GRIP2: variants seen among roughly 807,000 people sequenced by gnomAD.
GRIP2 encodes glutamate receptor interacting protein 2, also known as glutamate receptor-interacting protein 2.
In GRIP2, 58 loss-of-function variants were observed where a neutral mutation model predicts 108.3. That is an observed-to-expected ratio of 0.54 (90% CI 0.43 to 0.67). The LOEUF (loss-of-function observed/expected upper bound fraction) is 0.67, where lower values mean the gene tolerates loss of function less well. Among genes scored for constraint, GRIP2 ranks in the 30% least tolerant of loss-of-function variants. The pLI, the probability that GRIP2 is intolerant of heterozygous loss-of-function variation, is 0.00. For missense variants in GRIP2, 1,278 were observed against 1,430.6 expected, an observed-to-expected ratio of 0.89 and a Z score of 1.72; for synonymous variants, 586 against 598.2, an observed-to-expected ratio of 0.98 and a Z score of 0.30.
chr3:14,528,794 T>C (rs1694629968), intron 1 of GRIP2, among the ~76,000 whole-genome samples: 1 of 152,246 alleles, frequency 6.6e-6, no homozygotes, highest in Non-Finnish European at 1.5e-5. Flanking sequence ...GGCACTTTTT[T>C]TAACTTGCCA....
At chr3:14,542,284 T>A (rs1439708728), upstream of GRIP2, among the ~76,000 whole-genome samples, 7 of 151,982 alleles carry the variant, frequency 4.6e-5, no homozygotes, top group Non-Finnish European at 1.0e-4. Context: ...CTCCCTGGTA[T>A]CTGGGACTAC....
intron 3 of GRIP2, among the ~76,000 whole-genome samples, chr3:14,524,880 C>T (rs1361066810): frequency 6.6e-6 from 1 of 152,206 alleles, no homozygotes; most frequent in Non-Finnish European, 1.5e-5. Flanking sequence ...TCCTGCTGTT[C>T]AACTGGACAT....
At position 14,494,874 on chromosome 3, in the gene GRIP2, C is replaced by T; in HGVS notation, c.2939G>A (p.Gly980Glu). ...GACCCTGTCGAAGGGCTGGAGGCCT[C>T]CACGGTGGGCTGGCCCATCAGGGCG... Reference protein sequence around the residue: ...TVRPDGPAHRGGLQPFDRVLQ... With the variant: ...TVRPDGPAHREGLQPFDRVLQ... Residue 980 changes from glycine to glutamate, a missense_variant, in exon 23 of 24, where the codon GGA (glycine) becomes GAA (glutamate). Transcript: ENST00000621039. 1 of 1,613,806 alleles carries T rather than the reference C, an allele frequency of 6.2e-7. No homozygotes were observed. The highest frequency in any genetic ancestry group is 8.5e-7 in the Non-Finnish European group (1 of 1,179,782).
intron 1 of GRIP2, among the ~76,000 whole-genome samples, chr3:14,539,266 G>A (rs1273069488): frequency 1.3e-5 from 2 of 152,194 alleles, no homozygotes; most frequent in African/African-American, 4.8e-5. Context: ...CTGGCCCAGA[G>A]GAAGCTCTCG....
chr3:14,513,453 G>T (rs1694155955), intron 13 of GRIP2, among the ~76,000 whole-genome samples: 1 of 152,184 alleles, frequency 6.6e-6, no homozygotes, highest in Non-Finnish European at 1.5e-5. Context: ...ATCCCCACTT[G>T]GTCCTGCCCC....
intron 12 of GRIP2, 124 bp from the exon 13 acceptor site, chr3:14,513,934 T>G: frequency 1.2e-5 from 14 of 1,171,320 alleles, no homozygotes; most frequent in Non-Finnish European, 1.5e-5. Context: ...CTCTCAGCTC[T>G]GCCCTGGCCC....
intron 20 of GRIP2, among the ~76,000 whole-genome samples, chr3:14,504,941 G>A (rs975957377): frequency 6.6e-6 from 1 of 152,218 alleles, no homozygotes; most frequent in Non-Finnish European, 1.5e-5. Context: ...TAGACACAAG[G>A]TGTTTAGGCT....
the GRIP2 span, among the ~76,000 whole-genome samples, chr3:14,601,064 TCTCACA>T: frequency 1.2e-4 from 17 of 145,428 alleles, no homozygotes; most frequent in African/African-American, 4.4e-4. Flanking sequence ...CATCTCTCTC[TCTCACA>T]CACACACACA....
chr3:14,550,010 C>T (rs1695118855), intron 1 of GRIP2, among the ~76,000 whole-genome samples: 1 of 152,124 alleles, frequency 6.6e-6, no homozygotes, highest in African/African-American at 2.4e-5. Flanking sequence ...GGCCACCCAG[C>T]TGAGAATATG....
chr3:14,568,452 G>C, the GRIP2 span, among the ~76,000 whole-genome samples: 4 of 152,192 alleles, frequency 2.6e-5, no homozygotes, highest in Non-Finnish European at 5.9e-5. Context: ...GCTCAGAGAG[G>C]TTAAGTCACC....
intron 3 of GRIP2, 147 bp from the exon 4 acceptor site, chr3:14,524,685 T>C: frequency 6.8e-6 from 6 of 888,746 alleles, no homozygotes; most frequent in African/African-American, 1.7e-5. Flanking sequence ...GGTCAGACAG[T>C]TGTCCAGGGT....
upstream of GRIP2, among the ~76,000 whole-genome samples, chr3:14,559,972 G>A (rs1194657664): frequency 2.6e-5 from 4 of 152,200 alleles, no homozygotes; most frequent in African/African-American, 9.7e-5. Context: ...GGCATCTGAG[G>A]ATGGGCTTGG....
intron 1 of GRIP2, chr3:14,530,887 TA>T (rs1292935893): frequency 6.6e-6 from 1 of 152,376 alleles, no homozygotes; most frequent in East Asian, 1.9e-4. Context: ...TCTTTTTAGT[TA>T]TTTTTAAATG....
In GRIP2 at chr3:14,493,751, C is replaced by T. The variant is rs1693480160; in HGVS notation, c.3046G>A (p.Glu1016Lys). The T allele has an allele frequency of 2.5e-6, 4 of 1,611,650 alleles. No homozygotes were observed. The East Asian group carries it at 8.9e-5, about 36-fold the overall frequency. The change falls in exon 24 of 24, where the codon GAG (glutamate) becomes AAG (lysine). Residue 1016 changes from glutamate to lysine, a missense_variant. Physicochemically the swap from Glu to Lys is moderately conservative, Grantham distance 56. Transcript: ENST00000621039. ...TGCGGCTTGCGGCTGATGATCAGCT[C>T]CAAGACATCACCCGCCTCGGCCAGG... is the stretch of plus-strand genomic sequence containing the variant. Reference protein sequence around the residue: ...PLLAEAGDVLELIISRKPHTA... With the variant: ...PLLAEAGDVLKLIISRKPHTA...
chr3:14,560,337 C>T (rs1296972325), upstream of GRIP2, among the ~76,000 whole-genome samples: 4 of 152,208 alleles, frequency 2.6e-5, no homozygotes, highest in Admixed American at 2.6e-4. Context: ...TGCCCATGTG[C>T]AGTCCAGCTT....
the GRIP2 span, chr3:14,574,329 A>T: frequency 9.7e-7 from 1 of 1,030,398 alleles, no homozygotes; most frequent in Non-Finnish European, 1.5e-6. Flanking sequence ...CCGGGCGAAG[A>T]GTTTGCGCAC....
the GRIP2 span, among the ~76,000 whole-genome samples, chr3:14,595,378 T>C: frequency 2.6e-5 from 4 of 152,280 alleles, no homozygotes; most frequent in Non-Finnish European, 1.5e-5. Context: ...GTGCAGCCCC[T>C]GCTCCAGCAC....
intron 10 of GRIP2, among the ~76,000 whole-genome samples, chr3:14,517,432 CG>C (rs1694280451): frequency 6.8e-6 from 1 of 146,948 alleles, no homozygotes; most frequent in Admixed American, 7.0e-5. Context: ...CTATTAGGGA[CG>C]GGGCCAATCT....
At chr3:14,575,116 C>T in the GRIP2 span, among the ~76,000 whole-genome samples, 1 of 152,114 alleles carries the variant, frequency 6.6e-6, no homozygotes, top group Non-Finnish European at 1.5e-5. Flanking sequence ...AAGGGGATGG[C>T]AATGCTCTGT....
Sources: gnomAD v4.1 joint callset for allele counts (sites outside exome capture counted in the v4.1 genomes callset) on GRCh38, gnomAD v4.1.1 for gene constraint, MANE v1.5 for transcripts, NCBI Gene and HGNC (gene_info 2026-07-23, HGNC 2026-07-21) for gene names.